The following ZNF385D variants were observed in gnomAD, a reference collection of about 807,000 sequenced individuals.
ZNF385D encodes zinc finger protein 659.
A neutral mutation model predicts 35.8 loss-of-function variants in ZNF385D; 15 were observed. The observed-to-expected ratio is 0.42, with a 90% CI of 0.28 to 0.64. ZNF385D has a LOEUF of 0.64. Among genes scored for constraint, ZNF385D ranks in the 30% least tolerant of loss-of-function variants. The pLI, the probability that ZNF385D is intolerant of heterozygous loss-of-function variation, is 0.23. For synonymous variants in ZNF385D, 212 were observed against 186.8 expected, an observed-to-expected ratio of 1.13 and a Z score of -1.10; for missense variants, 474 against 494.6, an observed-to-expected ratio of 0.96 and a Z score of 0.39.
intron 3 of ZNF385D, among the ~76,000 whole-genome samples, chr3:21,765,426 T>C (rs2070785013): frequency 6.6e-6 from 1 of 152,106 alleles, no homozygotes; most frequent in Non-Finnish European, 1.5e-5. Context: ...TGGACATAAC[T>C]GATTTGATTA....
rs368493620 is a variant in ZNF385D, at chr3:22,049,645, G to A, written c.325+119172C>T. The stretch of plus-strand genomic sequence containing the variant: ...ATTTAGTTTGATGTTATTAATACCC[G>A]TGGACTTATCATATATGGCCTTTAT... On this transcript the variant is annotated intron_variant, in intron 3 of 5. Transcript: ENST00000494108. Among the ~76,000 whole-genome samples, 42 of 152,220 alleles carry A rather than the reference G, an allele frequency of 2.8e-4. No individual in the cohort carries two copies. The East Asian group carries it at 3.1e-3, about 11-fold the overall frequency.
intron 2 of ZNF385D, among the ~76,000 whole-genome samples, chr3:22,297,145 G>T (rs1028577264): frequency 2.0e-5 from 3 of 151,918 alleles, no homozygotes; most frequent in Non-Finnish European, 4.4e-5. Flanking sequence ...GGACCTAAAG[G>T]TCGCACTAGA....
At chr3:22,284,514 C>T (rs1575035328) in intron 2 of ZNF385D, among the ~76,000 whole-genome samples, 1 of 151,582 alleles carries the variant, frequency 6.6e-6, no homozygotes, top group South Asian at 2.1e-4. Flanking sequence ...TTTTTAATGA[C>T]CCAAATCTTT....
intron 3 of ZNF385D, among the ~76,000 whole-genome samples, chr3:21,938,461 C>T (rs984763725): frequency 1.3e-5 from 2 of 152,276 alleles, no homozygotes; most frequent in South Asian, 4.1e-4. Context: ...TATTGGCCTA[C>T]CCACAGCACA....
chr3:22,325,614 C>A (rs1575122325), intron 2 of ZNF385D, among the ~76,000 whole-genome samples: 1 of 152,126 alleles, frequency 6.6e-6, no homozygotes, highest in East Asian at 1.9e-4. Context: ...TAAAACTCAG[C>A]CGGGCATGGT....
At chr3:21,582,896 G>C (rs1057309867) in intron 2 of ZNF385D, among the ~76,000 whole-genome samples, 1 of 152,034 alleles carries the variant, frequency 6.6e-6, no homozygotes, top group African/African-American at 2.4e-5. Flanking sequence ...TCCTGCCTCA[G>C]TCTCCTGATT....
At chr3:21,441,732 T>C (rs1436053623) in intron 4 of ZNF385D, 1 of 979,666 alleles carries the variant, frequency 1.0e-6, no homozygotes, top group Non-Finnish European at 1.2e-6. Context: ...TCATTGCACC[T>C]TTTTTTCCCC....
intron 3 of ZNF385D, among the ~76,000 whole-genome samples, chr3:22,156,700 C>T (rs1705609064): frequency 6.6e-6 from 1 of 152,070 alleles, no homozygotes. Flanking sequence ...CATCTCTTTC[C>T]TCTTCCTCAC....
intron 3 of ZNF385D, among the ~76,000 whole-genome samples, chr3:21,980,447 T>C (rs758601773): frequency 5.3e-5 from 8 of 152,142 alleles, no homozygotes; most frequent in Admixed American, 1.3e-4. Flanking sequence ...TAATGAGTAA[T>C]AGTAGCATTG....
chr3:21,498,532 T>A (rs577087496), intron 4 of ZNF385D, among the ~76,000 whole-genome samples: 1 of 151,916 alleles, frequency 6.6e-6, no homozygotes, highest in South Asian at 2.1e-4. Flanking sequence ...GCAACCTCAT[T>A]AAGAAATGGA....
rs76531619 is a variant in ZNF385D at position 21,623,262 on chromosome 3, C to T, written c.165+41624G>A. Among the ~76,000 whole-genome samples, 624 of 152,198 alleles carry T rather than the reference C, an allele frequency of 4.1e-3. 2 individuals are homozygous for T. The highest frequency in any genetic ancestry group is 0.014 in the African/African-American group (567 of 41,536). ...AGTGTATGTTTAATTGATACAAGCT[C>T]CTATTTTATCGTAAGTCATAAAATG... On this transcript the variant is annotated intron_variant, in intron 2 of 7. Transcript: ENST00000281523.
chr3:22,034,966 A>G (rs1698223545), intron 3 of ZNF385D, among the ~76,000 whole-genome samples: 1 of 152,220 alleles, frequency 6.6e-6, no homozygotes. Context: ...AAACATATCA[A>G]TAGGAAAAAT....
chr3:21,517,754 G>A (rs1575091942), intron 3 of ZNF385D, among the ~76,000 whole-genome samples: 2 of 152,148 alleles, frequency 1.3e-5, no homozygotes, highest in East Asian at 1.9e-4. Flanking sequence ...TTACTCAGTG[G>A]CTTTTTGAAT....
intron 2 of ZNF385D, among the ~76,000 whole-genome samples, chr3:22,184,885 C>G (rs1695523480): frequency 6.6e-6 from 1 of 152,086 alleles, no homozygotes; most frequent in African/African-American, 2.4e-5. Context: ...ATTTGTGGCT[C>G]CATAGATACC....
At chr3:22,090,901 T>C (rs927952140) in intron 3 of ZNF385D, among the ~76,000 whole-genome samples, 4 of 152,178 alleles carry the variant, frequency 2.6e-5, no homozygotes, top group Non-Finnish European at 4.4e-5. Context: ...TAGGGTCTTA[T>C]GACCCAAACT....
chr3:21,990,237 A>T (rs1223186248), intron 3 of ZNF385D, among the ~76,000 whole-genome samples: 1 of 152,166 alleles, frequency 6.6e-6, no homozygotes, highest in Non-Finnish European at 1.5e-5. Context: ...CTGTCATCTT[A>T]GGGGTTTATT....
Position 22,033,482 on chromosome 3 carries a change from G to A in ZNF385D, c.325+135335C>T, listed in dbSNP as rs181518034. On this transcript the variant is annotated intron_variant, in intron 3 of 5. Transcript: ENST00000494108. ...TTAAAGACATAAGCTAATGGAACCA[G>A]GGAAATCTTTTTGAAGGAAAAGGAA... Among the ~76,000 whole-genome samples the A allele has an allele frequency of 3.2e-4, 48 of 150,848 alleles. 1 individual carries two copies. The East Asian group carries it at 7.6e-3, about 24-fold the overall frequency.
upstream of ZNF385D, among the ~76,000 whole-genome samples, chr3:21,754,220 G>A (rs1314179716): frequency 6.6e-6 from 1 of 151,970 alleles, no homozygotes; most frequent in Non-Finnish European, 1.5e-5. Context: ...GCTGATCTTG[G>A]CTAGATAGAG....
At chr3:22,211,173 G>T (rs933485290) in intron 2 of ZNF385D, among the ~76,000 whole-genome samples, 2 of 151,900 alleles carry the variant, frequency 1.3e-5, no homozygotes, top group African/African-American at 4.8e-5. Flanking sequence ...TTTCTCAAAA[G>T]TGGGAACATA....
Sources: gnomAD v4.1 joint callset for allele counts (sites outside exome capture counted in the v4.1 genomes callset) on GRCh38, gnomAD v4.1.1 for gene constraint, MANE v1.5 for transcripts, NCBI Gene and HGNC (gene_info 2026-07-23, HGNC 2026-07-21) for gene names.